TBK1: variants seen among roughly 807,000 people sequenced by gnomAD.
TBK1 encodes the protein serine/threonine-protein kinase TBK1.
In TBK1, 37 loss-of-function variants were observed where a neutral mutation model predicts 99.9. The ratio of observed to expected loss-of-function variants is 0.37; its 90% CI spans 0.28 to 0.49. TBK1 has a LOEUF of 0.49. Among genes scored for constraint, TBK1 ranks in the 20% least tolerant of loss-of-function variants. The pLI is 0.98. For missense variants in TBK1, 644 were observed against 872.5 expected (o/e 0.74, Z 3.30); for synonymous variants, 258 against 279.8 (o/e 0.92, Z 0.78).
chr12:64,484,525 C>A, intron 9 of TBK1, 26 bp downstream of exon 9: 1 of 1,577,588 alleles, frequency 6.3e-7, no homozygotes, highest in Non-Finnish European at 8.6e-7. Flanking sequence ...TCTTGTCGTT[C>A]TTACTAGCCA....
At chr12:64,474,925 C>A (rs897833209) in intron 6 of TBK1, among the ~76,000 whole-genome samples, 1 of 152,154 alleles carries the variant, frequency 6.6e-6, no homozygotes, top group African/African-American at 2.4e-5. Flanking sequence ...CCAAGACTAG[C>A]CTGAGCAACA....
intron 3 of TBK1, among the ~76,000 whole-genome samples, chr12:64,463,124 C>T (rs2040564435): frequency 6.6e-6 from 1 of 152,188 alleles, no homozygotes; most frequent in Non-Finnish European, 1.5e-5. Flanking sequence ...GTAATCCCAG[C>T]ACTTTGGGAG....
intron 20 of TBK1, among the ~76,000 whole-genome samples, chr12:64,500,411 T>C (rs148489734): frequency 2.0e-3 from 309 of 152,296 alleles, no homozygotes; most frequent in Admixed American, 4.0e-3. Flanking sequence ...TTTCCCCTCG[T>C]CACCCTCATT....
chr12:64,452,445 A>C (rs61933192), intron 1 of TBK1: 22,344 of 152,040 alleles, frequency 0.15, 1,969 homozygotes, highest in African/African-American at 0.23. Flanking sequence ...GGGCCCTGTT[A>C]CCTGCATCCC....
chr12:64,469,614 T>C (rs1417824673), intron 5 of TBK1, among the ~76,000 whole-genome samples: 1 of 152,208 alleles, frequency 6.6e-6, no homozygotes, highest in Non-Finnish European at 1.5e-5. Context: ...AGTTCAGACA[T>C]TCCCCTTGTC....
intron 6 of TBK1, among the ~76,000 whole-genome samples, chr12:64,475,781 T>C (rs1208197293): frequency 6.6e-6 from 1 of 152,230 alleles, no homozygotes; most frequent in Non-Finnish European, 1.5e-5. Flanking sequence ...GGAACCTAGA[T>C]TGATTCTATG....
chr12:64,475,403 G>A (rs2040702159), intron 6 of TBK1, among the ~76,000 whole-genome samples: 1 of 152,108 alleles, frequency 6.6e-6, no homozygotes, highest in Non-Finnish European at 1.5e-5. Flanking sequence ...AATAAGAAGT[G>A]TTCAGCCCTT....
intron 4 of TBK1, 98 bp downstream of exon 4, chr12:64,464,561 A>G (rs1288688855): frequency 5.6e-6 from 5 of 900,196 alleles, no homozygotes; most frequent in African/African-American, 1.7e-5. Context: ...CCTTTATGCA[A>G]TGCTTCATTA....
chr12:64,469,467 C>G (rs1376646750), intron 5 of TBK1, among the ~76,000 whole-genome samples: 1 of 152,168 alleles, frequency 6.6e-6, no homozygotes, highest in Non-Finnish European at 1.5e-5. Flanking sequence ...CAACACACAT[C>G]TTCATTCTCA....
rs369875862 is a variant in TBK1 at position 64,488,558 on chromosome 12, G to A, written c.1412G>A (p.Cys471Tyr). 13 of 1,605,266 alleles carry A rather than the reference G, an allele frequency of 8.1e-6. No individual in the cohort carries two copies. The highest frequency in any genetic ancestry group is 1.1e-5 in the Non-Finnish European group (13 of 1,176,610). Residue 471 changes from cysteine to tyrosine, a missense_variant, in exon 12 of 21, where the codon TGT becomes TAT. Coordinates refer to ENST00000331710, the MANE Select transcript of TBK1 (RefSeq NM_013254.4). ...KTEVVITLDF[C>Y]IRNIEKTVKV... Reference sequence around the variant, plus strand: ...GAAGTTGTGATCACATTGGATTTCTGTATCAGAAACATTGAAAAAACTGTG... The same window carrying A: ...GAAGTTGTGATCACATTGGATTTCTATATCAGAAACATTGAAAAAACTGTG...
rs1027864886 is a variant in TBK1, at chr12:64,501,641, C to T, written c.*260C>T. Reference sequence around the variant, plus strand: ...TCACGAGAAGAAAGCCATGACCGACCAATATGTTGACATACTGATCCTCTA... The same window carrying T: ...TCACGAGAAGAAAGCCATGACCGACTAATATGTTGACATACTGATCCTCTA... On this transcript the variant is annotated 3_prime_UTR_variant, in exon 21 of 21. Transcript: ENST00000331710. The T allele has an allele frequency of 7.6e-6, 3 of 394,800 alleles. No homozygotes were observed. Among genetic ancestry groups the T allele is most frequent in the African/African-American group, 6.3e-5 (3 of 47,714 alleles). 24.5% of individuals were successfully genotyped at this position (394,800 alleles called of 1,614,324 possible).
Position 64,501,517 on chromosome 12 carries a change from T to C in TBK1, c.*136T>C. ...TGTGGTCGTGTAAATATGTACAATATTGTAAATACATAAAAAATATACAAA... is the reference window on the plus strand; with the variant it reads ...TGTGGTCGTGTAAATATGTACAATACTGTAAATACATAAAAAATATACAAA... On this transcript the variant is annotated 3_prime_UTR_variant, in exon 21 of 21. Transcript: ENST00000331710. The C allele has an allele frequency of 8.9e-6, 7 of 785,302 alleles. No individual in the cohort carries two copies. Among genetic ancestry groups the C allele is most frequent in the Non-Finnish European group, 1.4e-5 (7 of 509,892 alleles). The allele number at this position is 785,302 out of a possible 1,614,324, so 48.6% of individuals were successfully genotyped here.
chr12:64,499,739 C>T (rs2040968459), intron 20 of TBK1, among the ~76,000 whole-genome samples: 1 of 130,516 alleles, frequency 7.7e-6, no homozygotes, highest in Non-Finnish European at 1.5e-5. Context: ...CGCTTTGTCG[C>T]CAGGCGGGAG....
chr12:64,475,546 T>A (rs1592363348), intron 6 of TBK1, among the ~76,000 whole-genome samples: 1 of 152,326 alleles, frequency 6.6e-6, no homozygotes, highest in East Asian at 1.9e-4. Flanking sequence ...TATGATGGGC[T>A]CCACAGCACA....
At chr12:64,485,878 C>A in intron 10 of TBK1, 48 bp from the exon 11 acceptor site, 1 of 1,376,902 alleles carries the variant, frequency 7.3e-7, no homozygotes. Context: ...TTTTTCTTAC[C>A]CTATACCACA....
At chr12:64,455,275 T>A (rs1209770061) in intron 1 of TBK1, among the ~76,000 whole-genome samples, 1 of 152,122 alleles carries the variant, frequency 6.6e-6, no homozygotes, top group Non-Finnish European at 1.5e-5. Flanking sequence ...CATGAGCCAC[T>A]GCTCCCAGCT....
At chr12:64,480,200 A>C in intron 7 of TBK1, 78 bp downstream of exon 7, 4 of 939,314 alleles carry the variant, frequency 4.3e-6, no homozygotes, top group Non-Finnish European at 6.6e-6. Context: ...ACAGATACTC[A>C]AATACTGAAG....
chr12:64,471,786 C>T (rs1440653999), intron 5 of TBK1, among the ~76,000 whole-genome samples: 5 of 152,190 alleles, frequency 3.3e-5, no homozygotes, highest in Admixed American at 2.0e-4. Context: ...AGTAACACAT[C>T]AGGACAGAGC....
chr12:64,486,040 G>T (rs1415503204), intron 11 of TBK1, 23 bp downstream of exon 11: 1 of 1,524,670 alleles, frequency 6.6e-7, no homozygotes, highest in East Asian at 2.5e-5. Flanking sequence ...TTGAAATTTT[G>T]AAATTGATTT....
Sources: gnomAD v4.1 joint callset for allele counts (sites outside exome capture counted in the v4.1 genomes callset) on GRCh38, gnomAD v4.1.1 for gene constraint, MANE v1.5 for transcripts, NCBI Gene and HGNC (gene_info 2026-07-23, HGNC 2026-07-21) for gene names.